The following SIDT2 variants were observed in gnomAD, a reference collection of about 807,000 sequenced individuals.
SIDT2 encodes the protein SID1 transmembrane family member 2.
A neutral mutation model predicts 114.4 loss-of-function variants in SIDT2; 68 were observed. The observed-to-expected ratio is 0.59, with a 90% CI of 0.49 to 0.73. The LOEUF is 0.73. Among genes scored for constraint, SIDT2 ranks in the 30% least tolerant of loss-of-function variants. The pLI is 0.00. For synonymous variants in SIDT2, 470 were observed against 438.4 expected (o/e 1.07, Z -0.90); for missense variants, 918 against 1,097.1 (o/e 0.84, Z 2.31).
rs1275855845 is a variant in SIDT2, at chr11:117,193,201, G to A, written c.2154G>A (p.Leu718=). The A allele has an allele frequency of 6.2e-7, 1 of 1,614,058 alleles. No individual in the cohort carries two copies. The highest frequency in any genetic ancestry group is 1.7e-5 in the Admixed American group (1 of 60,014). The change falls in exon 23 of 26, where the codon TTG becomes TTA. Residue 718 remains leucine, a synonymous_variant. Coordinates refer to ENST00000324225, the MANE Select transcript of SIDT2 (RefSeq NM_001040455.2). ...IMRPNDFASY[L]LAIGICNLLL... is the part of the protein sequence containing the mutation. ...GCCCCAATGATTTCGCTTCCTACTT[G>A]TTGGCCATTGGCATCTGCAACCTGC...
chr11:117,185,052 T>C (rs1205060987), intron 8 of SIDT2, among the ~76,000 whole-genome samples: 2 of 148,874 alleles, frequency 1.3e-5, no homozygotes, highest in Non-Finnish European at 3.0e-5. Context: ...TCTCTCTCTT[T>C]TTTTTTTTTT....
At chr11:117,195,958 A>C in intron 25 of SIDT2, 43 bp downstream of exon 25, 15 of 1,614,136 alleles carry the variant, frequency 9.3e-6, no homozygotes, top group Non-Finnish European at 1.3e-5. Context: ...ACGTGAAGGT[A>C]GCAGCTGCCT....
chr11:117,191,000 G>A lies in SIDT2; in HGVS notation c.1735+260G>A, dbSNP rs956279144. 6 of 327,220 alleles carry A rather than the reference G, an allele frequency of 1.8e-5. No homozygotes were observed. The highest frequency in any genetic ancestry group is 1.8e-4 in the Admixed American group (4 of 22,734). The allele number at this position is 327,220 out of a possible 1,614,324, so 20.3% of individuals were successfully genotyped here. A position where few individuals can be genotyped will look rare whatever the true frequency, so the allele number is the denominator to read the frequency against. On this transcript the variant is annotated intron_variant, in intron 18 of 25. Coordinates refer to ENST00000324225, the MANE Select transcript of SIDT2 (RefSeq NM_001040455.2). The surrounding 1 kb of genome is among the most constrained non-coding windows in gnomAD (Gnocchi z 4.1). ...TATAATTAAGAAGGGGTCCCTGGCC[G>A]GGTGCAGTGGCTCACGCCTGTAATC...
chr11:117,181,470 T>C lies in SIDT2; in HGVS notation c.238T>C (p.Leu80=). 1 of 1,613,556 alleles carries C rather than the reference T, an allele frequency of 6.2e-7. No individual in the cohort carries two copies. Among genetic ancestry groups the C allele is most frequent in the South Asian group, 1.1e-5 (1 of 91,034 alleles). Residue 80 remains leucine, a synonymous_variant, in exon 2 of 26, where the codon TTG becomes CTG. Transcript: ENST00000324225. The stretch of plus-strand genomic sequence containing the variant: ...CCTGAACAAGCAGAAGGGGGCGCCG[T>C]TGCTGTTTGTGGTCCGCCAGAAGGA... ...NVLNKQKGAP[L]LFVVRQKEAV...
intron 12 of SIDT2, chr11:117,187,957 A>G (rs545843689): frequency 1.7e-5 from 11 of 663,452 alleles, no homozygotes; most frequent in Non-Finnish European, 3.1e-5. Context: ...TGCCATGGGT[A>G]GACCTGGGGT....
In SIDT2 at chr11:117,182,737, C is replaced by A; in HGVS notation, c.633C>A (p.Asp211Glu). 1 of 1,614,226 alleles carries A rather than the reference C, an allele frequency of 6.2e-7. No homozygotes were observed. The highest frequency in any genetic ancestry group is 8.5e-7 in the Non-Finnish European group (1 of 1,180,036). ...CCCCTCTGCAGTGTCCTGTCTATGA[C>A]CTGGACAACAACGTAGCCTTCATCG... ...SIQDVLCPVY[D>E]LDNNVAFIGM... The change falls in exon 6 of 26, where the codon GAC (aspartate) becomes GAA (glutamate). Residue 211 changes from aspartate (D) to glutamate (E), a missense_variant. Asp to Glu is a conservative substitution (Grantham distance 45). Coordinates refer to ENST00000324225, the MANE Select transcript of SIDT2 (RefSeq NM_001040455.2).
Position 117,187,669 on chromosome 11 carries a change from G to A in SIDT2, c.1129G>A (p.Gly377Ser). The A allele has an allele frequency of 6.2e-7, 1 of 1,614,040 alleles. No individual in the cohort carries two copies. Among genetic ancestry groups the A allele is most frequent in the Non-Finnish European group, 8.5e-7 (1 of 1,180,002 alleles). Residue 377 changes from glycine (G) to serine (S), a missense_variant, in exon 12 of 26, where the codon GGC (glycine) becomes AGC (serine). Transcript: ENST00000324225. ...GSTDGLVDSA[G>S]TGDLSYGYQG... The stretch of plus-strand genomic sequence containing the variant: ...TACCGATGGTCTGGTTGACAGCGCT[G>A]GCACTGGGGACCTCTCTTACGGTTA...
At position 117,189,320 on chromosome 11, in the gene SIDT2, C is replaced by T. The variant is rs751849376; in HGVS notation, c.1353-15C>T. 1.2e-6 allele frequency: 2 copies of T among 1,614,062 alleles called. No individual in the cohort carries two copies. The highest frequency in any genetic ancestry group is 1.7e-6 in the Non-Finnish European group (2 of 1,179,988). On this transcript the variant is annotated splice_polypyrimidine_tract_variant and intron_variant, in intron 14 of 25. Transcript: ENST00000324225. ...TGGGTGCCACCCACCTCACTGCCGC[C>T]CTCCTGCTCCGCAGGAACATTGCCA...
rs1029969579 is a variant in SIDT2, at chr11:117,197,421, A to G, written c.*1355A>G. 1.3e-5 allele frequency: 2 copies of G among 152,598 alleles called. No individual in the cohort carries two copies. Among genetic ancestry groups the G allele is most frequent in the Non-Finnish European group, 2.9e-5 (2 of 68,046 alleles). 9.5% of individuals were successfully genotyped at this position (152,598 alleles called of 1,614,324 possible). ...TTCCGTTTTCTATGAATGAATTTGC[A>G]TTCAATAAACAACCAGACTCAGTTC... is the stretch of plus-strand genomic sequence containing the variant. On this transcript the variant is annotated 3_prime_UTR_variant, in exon 26 of 26. Transcript: ENST00000324225.
intron 11 of SIDT2, 62 bp downstream of exon 11, chr11:117,187,511 C>T (rs2030543093): frequency 3.7e-6 from 6 of 1,600,794 alleles, no homozygotes; most frequent in African/African-American, 2.7e-5. Flanking sequence ...TAGGCCACCA[C>T]CTCCGAGGCG....
intron 6 of SIDT2, among the ~76,000 whole-genome samples, chr11:117,183,365 G>A (rs1314643492): frequency 6.6e-6 from 1 of 150,484 alleles, no homozygotes; most frequent in Admixed American, 6.6e-5. Context: ...AAGGTCAGGC[G>A]CAGTGGCTCA....
In SIDT2 at chr11:117,187,365, C is replaced by G; in HGVS notation, c.1016-13C>G. On this transcript the variant is annotated splice_polypyrimidine_tract_variant and intron_variant, in intron 10 of 25. Transcript: ENST00000324225. Reference sequence around the variant, plus strand: ...TTCGTCCAGTGCTAACAGACCTTGACTTCTCATTGCAGGTCACCCTCGAGT... The same window carrying G: ...TTCGTCCAGTGCTAACAGACCTTGAGTTCTCATTGCAGGTCACCCTCGAGT... 1 of 1,613,426 alleles carries G rather than the reference C, an allele frequency of 6.2e-7. No homozygotes were observed. Among genetic ancestry groups the G allele is most frequent in the East Asian group, 2.2e-5 (1 of 44,880 alleles).
At chr11:117,195,462 G>T (rs2134262976) in intron 24 of SIDT2, among the ~76,000 whole-genome samples, 1 of 152,336 alleles carries the variant, frequency 6.6e-6, no homozygotes, top group South Asian at 2.1e-4. Context: ...TCCAAGGCCG[G>T]GAAGTGGGTG....
intron 8 of SIDT2, chr11:117,185,895 A>G (rs1211539425): frequency 8.8e-6 from 3 of 339,302 alleles, no homozygotes; most frequent in African/African-American, 8.0e-5. Flanking sequence ...AAAAAAAAAA[A>G]GTAGAAGAGA....
In SIDT2 at chr11:117,182,050, T is replaced by G. The variant is rs889266807; in HGVS notation, c.471-10T>G. 3.1e-6 allele frequency: 5 copies of G among 1,614,008 alleles called. No homozygotes were observed. Among genetic ancestry groups the G allele is most frequent in the Non-Finnish European group, 4.2e-6 (5 of 1,180,024 alleles). On this transcript the variant is annotated splice_polypyrimidine_tract_variant and intron_variant, in intron 3 of 25. Transcript: ENST00000324225. ...GGGGTGACTGGTGGGGGCTCTTCTC[T>G]GCCCTGCAGGACTGGGGAGCAGTTC...
At chr11:117,186,347 G>A in intron 9 of SIDT2, 124 bp downstream of exon 9, 2 of 898,106 alleles carry the variant, frequency 2.2e-6, no homozygotes, top group South Asian at 1.5e-5. Flanking sequence ...ATGATGGTGG[G>A]GCTGTTAGAG....
chr11:117,196,443 A>G lies in SIDT2; in HGVS notation c.*377A>G. 3.7e-6 allele frequency: 1 copy of G among 268,496 alleles called. No homozygotes were observed. The highest frequency in any genetic ancestry group is 7.3e-6 in the Non-Finnish European group (1 of 137,422). The allele number at this position is 268,496 out of a possible 1,614,324, so 16.6% of individuals were successfully genotyped here. A position where few individuals can be genotyped will look rare whatever the true frequency, so the allele number is the denominator to read the frequency against. On this transcript the variant is annotated 3_prime_UTR_variant, in exon 26 of 26. Coordinates refer to ENST00000324225, the MANE Select transcript of SIDT2 (RefSeq NM_001040455.2). The surrounding 1 kb of genome is among the most constrained non-coding windows in gnomAD (Gnocchi z 4.9). ...TTGCATTTTGCCCGTCCTCCTCCCC[A>G]CAATGCCCCAGCCTGGGACCTAAGG... is the stretch of plus-strand genomic sequence containing the variant.
rs572841902 is a variant in SIDT2 at position 117,183,410 on chromosome 11, G to T, written c.703-369G>T. Among the ~76,000 whole-genome samples the T allele has an allele frequency of 4.1e-3, 617 of 151,926 alleles. 8 individuals carry two copies. Among genetic ancestry groups the T allele is most frequent in the African/African-American group, 0.013 (558 of 41,418 alleles). On this transcript the variant is annotated intron_variant, in intron 6 of 25. Transcript: ENST00000324225. ...TCCCACACTTCGGGAGGCTGAGGCG[G>T]GCAGATCACCTGAGATCAGGCGTTC...
intron 12 of SIDT2, chr11:117,187,907 A>T: frequency 4.3e-6 from 3 of 694,578 alleles, no homozygotes; most frequent in Non-Finnish European, 7.9e-6. Flanking sequence ...GACCAGTTCA[A>T]GCGGCGCCTC....
Sources: gnomAD v4.1 joint callset for allele counts (sites outside exome capture counted in the v4.1 genomes callset) on GRCh38, gnomAD v4.1.1 for gene constraint, Gnocchi (gnomAD v3.1) non-coding constraint, MANE v1.5 for transcripts, NCBI Gene and HGNC (gene_info 2026-07-23, HGNC 2026-07-21) for gene names.